DSCAML1: variants seen among roughly 807,000 people sequenced by gnomAD.
DSCAML1 encodes cell adhesion molecule DSCAML1.
A neutral mutation model predicts 200.5 loss-of-function variants in DSCAML1; 38 were observed. The observed-to-expected ratio is 0.19, with a 90% CI of 0.15 to 0.25. The LOEUF (loss-of-function observed/expected upper bound fraction) is 0.25. DSCAML1 is among the 10% of genes least tolerant of loss of function. DSCAML1 has a pLI of 1.00. For synonymous variants in DSCAML1, 1,215 were observed against 1,165.0 expected, an observed-to-expected ratio of 1.04 and a Z score of -0.87; for missense variants, 2,223 against 2,858.8, an observed-to-expected ratio of 0.78 and a Z score of 5.07.
rs556371172 is a variant in DSCAML1 at position 117,577,095 on chromosome 11, G to T, written c.512-44573C>A. ...CGGAGCCCCACATTAGGTAACAGGAGCCTGTGGTCTAACCCATAGGTCCCT... is the reference window on the plus strand; with the variant it reads ...CGGAGCCCCACATTAGGTAACAGGATCCTGTGGTCTAACCCATAGGTCCCT... On this transcript the variant is annotated intron_variant, in intron 3 of 32. Coordinates refer to ENST00000651296, the MANE Select transcript of DSCAML1 (RefSeq NM_020693.4). 5.3e-5 allele frequency among the ~76,000 whole-genome samples: 8 copies of T among 152,280 alleles called. No homozygotes were observed. The East Asian group carries it at 1.5e-3, about 29-fold the overall frequency.
intron 3 of DSCAML1, among the ~76,000 whole-genome samples, chr11:117,590,855 T>A (rs116603337): frequency 6.6e-6 from 1 of 152,110 alleles, no homozygotes; most frequent in Non-Finnish European, 1.5e-5. Flanking sequence ...GCAGTGACAA[T>A]AATCATGCAG....
At chr11:117,777,227 C>A (rs574685232) in intron 2 of DSCAML1, among the ~76,000 whole-genome samples, 7 of 152,192 alleles carry the variant, frequency 4.6e-5, no homozygotes, top group African/African-American at 7.2e-5. Context: ...TCCTACCTTT[C>A]CCATTTCGGT....
intron 8 of DSCAML1, among the ~76,000 whole-genome samples, chr11:117,510,238 C>T (rs1191717263): frequency 6.6e-6 from 1 of 152,186 alleles, no homozygotes; most frequent in Non-Finnish European, 1.5e-5. Context: ...AGAGTGTGCG[C>T]CGTGGGAAGT....
chr11:117,628,203 C>G (rs1205952118), intron 3 of DSCAML1, among the ~76,000 whole-genome samples: 1 of 152,194 alleles, frequency 6.6e-6, no homozygotes, highest in Admixed American at 6.5e-5. Context: ...CTGTTGCCCC[C>G]ATCCAAGAGT....
At chr11:117,803,095 G>A (rs936134990) in intron 1 of DSCAML1, among the ~76,000 whole-genome samples, 3 of 151,930 alleles carry the variant, frequency 2.0e-5, no homozygotes, top group Non-Finnish European at 4.4e-5. Context: ...TGGGATTGGT[G>A]GAATGTATTT....
At chr11:117,600,328 A>T (rs1403879299) in intron 3 of DSCAML1, among the ~76,000 whole-genome samples, 1 of 152,132 alleles carries the variant, frequency 6.6e-6, no homozygotes, top group African/African-American at 2.4e-5. Context: ...CCAAGTGGTA[A>T]CATCTTGCAG....
intron 3 of DSCAML1, among the ~76,000 whole-genome samples, chr11:117,548,503 C>A (rs1001999403): frequency 1.3e-5 from 2 of 152,302 alleles, no homozygotes; most frequent in East Asian, 3.9e-4. Context: ...CTCTCCCTTT[C>A]CAGACAGTTC....
intron 3 of DSCAML1, among the ~76,000 whole-genome samples, chr11:117,543,329 C>T (rs964469502): frequency 4.6e-5 from 7 of 152,114 alleles, no homozygotes; most frequent in Non-Finnish European, 8.8e-5. Flanking sequence ...GCTTGTGAAC[C>T]TGTGCTCGTG....
chr11:117,726,245 G>GTA (rs1422599423), intron 3 of DSCAML1, among the ~76,000 whole-genome samples: 2 of 149,312 alleles, frequency 1.3e-5, no homozygotes, highest in Non-Finnish European at 2.9e-5. Flanking sequence ...GGTTGTGTGT[G>GTA]TATCTCTGTG....
At chr11:117,567,439 T>C (rs2050777241) in intron 3 of DSCAML1, among the ~76,000 whole-genome samples, 2 of 152,142 alleles carry the variant, frequency 1.3e-5, no homozygotes, top group Non-Finnish European at 2.9e-5. Flanking sequence ...TGTTTTTTTC[T>C]TGTAAATTTG....
intron 11 of DSCAML1, among the ~76,000 whole-genome samples, chr11:117,487,015 C>T (rs986901846): frequency 2.1e-5 from 3 of 144,130 alleles, no homozygotes; most frequent in African/African-American, 7.9e-5. Context: ...ACCTCCGCCT[C>T]CTGGATTCAA....
intron 3 of DSCAML1, among the ~76,000 whole-genome samples, chr11:117,659,334 C>A (rs1281627118): frequency 6.6e-6 from 1 of 152,222 alleles, no homozygotes; most frequent in East Asian, 1.9e-4. Flanking sequence ...TAATATAAAT[C>A]TAACCACAGA....
At position 117,503,540 on chromosome 11, in the gene DSCAML1, C is replaced by T. The variant is rs184925188; in HGVS notation, c.2359+305G>A. On this transcript the variant is annotated intron_variant, in intron 11 of 32. Transcript: ENST00000651296. The surrounding 1 kb of genome is among the most constrained non-coding windows in gnomAD (Gnocchi z 5.2). ...AATGGTTTGATAGGATTATTCAGATCGAATCGCCAATCTACAGACCAAAGT... is the reference window on the plus strand; with the variant it reads ...AATGGTTTGATAGGATTATTCAGATTGAATCGCCAATCTACAGACCAAAGT... Among the ~76,000 whole-genome samples the T allele has an allele frequency of 1.3e-3, 193 of 152,292 alleles. 4 individuals carry two copies. The highest frequency in any genetic ancestry group is 7.7e-4 in the East Asian group (4 of 5,190).
intron 3 of DSCAML1, among the ~76,000 whole-genome samples, chr11:117,660,106 C>T (rs542314964): frequency 9.2e-5 from 14 of 152,210 alleles, no homozygotes; most frequent in Admixed American, 5.9e-4. Flanking sequence ...TCCTCTCTCT[C>T]CTGTCTCTTC....
At chr11:117,545,938 G>A (rs2050365384) in intron 3 of DSCAML1, among the ~76,000 whole-genome samples, 1 of 152,256 alleles carries the variant, frequency 6.6e-6, no homozygotes, top group Non-Finnish European at 1.5e-5. Context: ...CTGTTTGCTT[G>A]TGCAACTGGG....
intron 3 of DSCAML1, among the ~76,000 whole-genome samples, chr11:117,756,175 G>C (rs2054688348): frequency 6.6e-6 from 1 of 152,206 alleles, no homozygotes; most frequent in Non-Finnish European, 1.5e-5. Flanking sequence ...AGGCTGCCTG[G>C]CAGCCCCAGT....
At chr11:117,592,467 G>A (rs55962049) in intron 3 of DSCAML1, among the ~76,000 whole-genome samples, 1 of 152,064 alleles carries the variant, frequency 6.6e-6, no homozygotes, top group Non-Finnish European at 1.5e-5. Flanking sequence ...GGCTGGCTCT[G>A]TTTCTTTTCT....
chr11:117,676,607 C>T (rs2053219142), intron 3 of DSCAML1, among the ~76,000 whole-genome samples: 2 of 152,218 alleles, frequency 1.3e-5, no homozygotes, highest in Admixed American at 6.5e-5. Flanking sequence ...GAAGCTGTCG[C>T]ACCTCCAGCC....
Position 117,503,262 on chromosome 11 carries a change from A to C in DSCAML1, c.2359+583T>G, listed in dbSNP as rs1460592794. 6.6e-6 allele frequency among the ~76,000 whole-genome samples: 1 copy of C among 152,156 alleles called. No homozygotes were observed. ...GAAGCATCCTCCTCTTTCCAAGATC[A>C]GTTCCTGCAGGACTCACAACAATTT... On this transcript the variant is annotated intron_variant, in intron 11 of 32. Coordinates refer to ENST00000651296, the MANE Select transcript of DSCAML1 (RefSeq NM_020693.4). This position sits in a 1 kb window ranked among gnomAD's most constrained non-coding sequence, Gnocchi z 5.2.
Sources: gnomAD v4.1 joint callset for allele counts (sites outside exome capture counted in the v4.1 genomes callset) on GRCh38, gnomAD v4.1.1 for gene constraint, Gnocchi (gnomAD v3.1) non-coding constraint, MANE v1.5 for transcripts, NCBI Gene and HGNC (gene_info 2026-07-23, HGNC 2026-07-21) for gene names.